Variants in RAB12 observed in about 807,000 individuals in gnomAD.
RAB12 encodes RAB12, member RAS oncogene family, also known as ras-related protein Rab-12.
RAB12 carries 11 observed loss-of-function variants against 28.4 expected under a neutral mutation model. The observed-to-expected ratio is 0.39, with a 90% CI of 0.24 to 0.64. The LOEUF (loss-of-function observed/expected upper bound fraction) is 0.64. RAB12 is among the 30% of genes least tolerant of loss of function. RAB12 has a pLI of 0.50. For synonymous variants in RAB12, 138 were observed against 145.3 expected, an observed-to-expected ratio of 0.95 and a Z score of 0.36; for missense variants, 276 against 351.1, an observed-to-expected ratio of 0.79 and a Z score of 1.71.
chr18:8,613,019 G>A (rs919822164), intron 1 of RAB12, among the ~76,000 whole-genome samples: 15 of 152,252 alleles, frequency 9.9e-5, no homozygotes, highest in African/African-American at 3.6e-4. Context: ...CGTAGTGGAA[G>A]TCCTTAGGGA....
intron 1 of RAB12, among the ~76,000 whole-genome samples, chr18:8,613,417 G>A (rs1308301123): frequency 2.0e-5 from 3 of 152,138 alleles, no homozygotes; most frequent in African/African-American, 7.2e-5. Context: ...GAATCTGTGT[G>A]TGCTTTTGCA....
At chr18:8,633,891 A>C (rs1213660255) in intron 3 of RAB12, among the ~76,000 whole-genome samples, 1 of 152,164 alleles carries the variant, frequency 6.6e-6, no homozygotes, top group African/African-American at 2.4e-5. Flanking sequence ...TCCGCTAAGA[A>C]ACATGTTCCC....
At chr18:8,620,232 C>T (rs2096009148) in intron 1 of RAB12, among the ~76,000 whole-genome samples, 1 of 137,478 alleles carries the variant, frequency 7.3e-6, no homozygotes, top group Non-Finnish European at 1.5e-5. Flanking sequence ...ATCTCTGTAG[C>T]CTGCGTGCTT....
intron 3 of RAB12, among the ~76,000 whole-genome samples, chr18:8,633,670 T>A (rs1414931108): frequency 6.6e-6 from 1 of 152,184 alleles, no homozygotes; most frequent in Non-Finnish European, 1.5e-5. Context: ...CTCATGCACG[T>A]CCACTGAGTG....
At chr18:8,620,730 A>C (rs1019853730) in intron 1 of RAB12, among the ~76,000 whole-genome samples, 3 of 152,196 alleles carry the variant, frequency 2.0e-5, no homozygotes, top group Non-Finnish European at 4.4e-5. Flanking sequence ...AGGGGGCTGA[A>C]GATGACTACA....
At position 8,609,603 on chromosome 18, in the gene RAB12, C is replaced by T. The variant is rs990812006; in HGVS notation, c.164C>T (p.Ala55Val). Residue 55 changes from alanine to valine, a missense_variant, in exon 1 of 6, where the codon GCG becomes GTG. Physicochemically the swap from Ala to Val is moderately conservative, Grantham distance 64. This residue lies in a region of RAB12 where 72 missense variants were observed against 55.5 expected (regional missense o/e 1.30). Coordinates refer to ENST00000649141, the MANE Select transcript of RAB12 (RefSeq NM_001025300.3). ...GGGCCGCCGGGGCCGCTCCAGCGGG[C>T]GGAAGCCGAGCCCGGGGCCGACCCC... ...AHGPPGPLQR[A>V]EAEPGADPPR... 1.0e-5 allele frequency: 3 copies of T among 299,334 alleles called. No homozygotes were observed. Among genetic ancestry groups the T allele is most frequent in the Non-Finnish European group, 1.5e-5 (3 of 205,214 alleles). The allele number at this position is 299,334 out of a possible 1,614,324, so 18.5% of individuals were successfully genotyped here.
chr18:8,627,037 A>G (rs2096013121), intron 2 of RAB12, among the ~76,000 whole-genome samples: 1 of 152,260 alleles, frequency 6.6e-6, no homozygotes, highest in Non-Finnish European at 1.5e-5. Flanking sequence ...GAAATATTTT[A>G]TTTAAAAGAT....
intron 2 of RAB12, among the ~76,000 whole-genome samples, chr18:8,626,991 G>C (rs992473277): frequency 2.0e-5 from 3 of 152,160 alleles, no homozygotes; most frequent in African/African-American, 7.2e-5. Context: ...CCATTTTGTT[G>C]ATCACATAAT....
intron 1 of RAB12, 77 bp downstream of exon 1, chr18:8,610,030 C>A: frequency 1.8e-6 from 2 of 1,135,046 alleles, no homozygotes; most frequent in South Asian, 1.3e-5. Context: ...GGCTTCGAGT[C>A]TCATCGAGCC....
At chr18:8,611,419 A>G (rs1203114093) in intron 1 of RAB12, among the ~76,000 whole-genome samples, 1 of 152,162 alleles carries the variant, frequency 6.6e-6, no homozygotes, top group Non-Finnish European at 1.5e-5. Flanking sequence ...ATAGGTGGGT[A>G]ACTGAGGGCT....
chr18:8,614,309 A>T (rs758147136), intron 1 of RAB12, among the ~76,000 whole-genome samples: 2 of 152,092 alleles, frequency 1.3e-5, no homozygotes, highest in Non-Finnish European at 2.9e-5. Context: ...ACTGCTTTTT[A>T]ATCTATATAT....
rs2096017032 is a variant in RAB12, at chr18:8,633,348, T to C, written c.714+21T>C. 6 of 1,613,016 alleles carry C rather than the reference T, an allele frequency of 3.7e-6. No homozygotes were observed. In the Admixed American group the frequency reaches 1.0e-4, roughly 27 times the overall value. Reference sequence around the variant, plus strand: ...ATAAGGTAAATGTTGCATTTTTCTGTCCAATGTGAACTCTCTGCTTGTGAG... The same window carrying C: ...ATAAGGTAAATGTTGCATTTTTCTGCCCAATGTGAACTCTCTGCTTGTGAG... On this transcript the variant is annotated intron_variant, in intron 3 of 5. Coordinates refer to ENST00000649141, the MANE Select transcript of RAB12 (RefSeq NM_001025300.3).
chr18:8,637,523 A>T (rs1330752322), intron 5 of RAB12, among the ~76,000 whole-genome samples: 3 of 152,166 alleles, frequency 2.0e-5, no homozygotes, highest in African/African-American at 7.2e-5. Context: ...TTGGCTTAAT[A>T]TTTTAATGTC....
At chr18:8,616,167 A>C (rs1186834183) in intron 1 of RAB12, among the ~76,000 whole-genome samples, 1 of 152,190 alleles carries the variant, frequency 6.6e-6, no homozygotes, top group East Asian at 1.9e-4. Flanking sequence ...TCCCCTGGGC[A>C]CAAAGCTCAC....
rs2096020929 is a variant in RAB12 at position 8,639,159 on chromosome 18, T to G, written c.*897T>G. 2 of 106,270 alleles carry G rather than the reference T, an allele frequency of 1.9e-5. No homozygotes were observed. Among genetic ancestry groups the G allele is most frequent in the South Asian group, 7.3e-4 (2 of 2,742 alleles). The allele number at this position is 106,270 out of a possible 1,614,324, so 6.6% of individuals were successfully genotyped here. ...CCTAGACTGTGTTCTTTTTTTTTTT[T>G]TTTTTTTTTTTTTTTTTTTTTTTTT... is the stretch of plus-strand genomic sequence containing the variant. On this transcript the variant is annotated 3_prime_UTR_variant, in exon 6 of 6. Coordinates refer to ENST00000649141, the MANE Select transcript of RAB12 (RefSeq NM_001025300.3).
At chr18:8,622,177 A>G (rs1225779294) in intron 1 of RAB12, among the ~76,000 whole-genome samples, 1 of 152,212 alleles carries the variant, frequency 6.6e-6, no homozygotes, top group African/African-American at 2.4e-5. Context: ...GCTCAAAAGA[A>G]ATATCATCTG....
In RAB12 at chr18:8,636,321, G is replaced by C. The variant is rs761024267; in HGVS notation, c.873G>C (p.Glu291Asp). The change falls in exon 5 of 6, where the codon GAG (glutamate) becomes GAC (aspartate). Residue 291 changes from glutamate to aspartate, a missense_variant. Coordinates refer to ENST00000649141, the MANE Select transcript of RAB12 (RefSeq NM_001025300.3). ...ASAKDNFNVD[E>D]IFLKLVDDIL... ...CCAAGGATAACTTCAATGTGGACGAGATATTTTTGAAACTTGTCGATGACA... is the reference window on the plus strand; with the variant it reads ...CCAAGGATAACTTCAATGTGGACGACATATTTTTGAAACTTGTCGATGACA... 1 of 1,610,780 alleles carries C rather than the reference G, an allele frequency of 6.2e-7. No individual in the cohort carries two copies. The highest frequency in any genetic ancestry group is 8.5e-7 in the Non-Finnish European group (1 of 1,178,586).
intron 2 of RAB12, among the ~76,000 whole-genome samples, chr18:8,625,893 A>C (rs1419252831): frequency 1.3e-5 from 2 of 152,132 alleles, no homozygotes; most frequent in African/African-American, 2.4e-5. Context: ...TCGGTCACCT[A>C]ATGCTTGAAT....
At chr18:8,635,292 T>C (rs1471168562) in intron 3 of RAB12, 1 of 307,070 alleles carries the variant, frequency 3.3e-6, no homozygotes, top group Non-Finnish European at 6.0e-6. Context: ...TTGGGAATTG[T>C]TGGGTCAACA....
Sources: allele counts gnomAD v4.1 joint callset (sites outside exome capture counted in the v4.1 genomes callset), GRCh38; gene constraint gnomAD v4.1.1; regional missense constraint gnomAD v4.1.1; transcripts MANE v1.5; gene names NCBI Gene and HGNC (gene_info 2026-07-23, HGNC 2026-07-21).